RAB31: variants seen among roughly 807,000 people sequenced by gnomAD.
RAB31 encodes the protein RAB31, member RAS oncogene family.
Under a neutral mutation model 25.6 loss-of-function variants are expected in RAB31, and 21 were observed. The ratio of observed to expected loss-of-function variants is 0.82; its 90% CI spans 0.58 to 1.18. The LOEUF (loss-of-function observed/expected upper bound fraction) is 1.18, where lower values mean the gene tolerates loss of function less well. RAB31 is among the 50% of genes most tolerant of loss of function. RAB31 has a pLI of 0.00. For missense variants in RAB31, 196 were observed against 250.1 expected (o/e 0.78, Z 1.46); for synonymous variants, 87 against 84.0 (o/e 1.04, Z -0.20).
At chr18:9,811,440 T>C (rs1401173361) in intron 3 of RAB31, among the ~76,000 whole-genome samples, 2 of 152,206 alleles carry the variant, frequency 1.3e-5, no homozygotes, top group Non-Finnish European at 2.9e-5. Context: ...CAAGTATTGA[T>C]CCAATGATGA....
rs2902843 is a variant in RAB31 at position 9,728,818 on chromosome 18, C to A, written c.39+20374C>A. 3.0e-3 allele frequency among the ~76,000 whole-genome samples: 452 copies of A among 152,168 alleles called. 5 individuals are homozygous for A. Among genetic ancestry groups the A allele is most frequent in the Non-Finnish European group, 3.4e-3 (231 of 68,000 alleles). On this transcript the variant is annotated intron_variant, in intron 1 of 6. Coordinates refer to ENST00000578921, the MANE Select transcript of RAB31 (RefSeq NM_006868.4). ...CTTCGCTAAGTGCTGGGATTACAGG[C>A]GTGAGCCACCCCACCCAACCATGAA...
chr18:9,859,190 G>C (rs1404948768), intron 6 of RAB31, 38 bp from the exon 7 acceptor site: 2 of 1,530,648 alleles, frequency 1.3e-6, no homozygotes, highest in Middle Eastern at 1.7e-4. Context: ...GTTGGCTGTA[G>C]GAAAGGGAAC....
At chr18:9,776,495 T>TGTAAAACCCACATTC (rs1568176243) in intron 2 of RAB31, among the ~76,000 whole-genome samples, 4 of 151,912 alleles carry the variant, frequency 2.6e-5, no homozygotes, top group Non-Finnish European at 5.9e-5. Context: ...AACCCACATT[T>TGTAAAACCCACATTC]TGTAGATTAA....
chr18:9,807,233 G>A (rs1029869), intron 3 of RAB31, among the ~76,000 whole-genome samples: 66,275 of 151,748 alleles, frequency 0.44, 14,768 homozygotes, highest in East Asian at 0.73. Flanking sequence ...GTGTGATGGG[G>A]CATGTTCGGA....
intron 5 of RAB31, among the ~76,000 whole-genome samples, chr18:9,817,231 C>T (rs1599052069): frequency 6.6e-6 from 1 of 152,114 alleles, no homozygotes; most frequent in South Asian, 2.1e-4. Flanking sequence ...AATTATGGGA[C>T]TAATGTGCGC....
intron 1 of RAB31, among the ~76,000 whole-genome samples, chr18:9,716,934 T>TTCTTTC (rs2068047544): frequency 8.0e-6 from 1 of 125,518 alleles, no homozygotes; most frequent in African/African-American, 2.9e-5. Context: ...TTCTTTCTTT[T>TTCTTTC]TTTTTTGGTA....
chr18:9,721,210 A>T (rs2068072020), intron 1 of RAB31, among the ~76,000 whole-genome samples: 1 of 152,188 alleles, frequency 6.6e-6, no homozygotes, highest in Non-Finnish European at 1.5e-5. Context: ...ATAAAAGTAT[A>T]TCCTGTATCT....
At chr18:9,733,695 G>T (rs931670789) in intron 1 of RAB31, among the ~76,000 whole-genome samples, 1 of 152,126 alleles carries the variant, frequency 6.6e-6, no homozygotes, top group Non-Finnish European at 1.5e-5. Context: ...TTGGTTCCCT[G>T]CTCTGTTGAT....
intron 5 of RAB31, among the ~76,000 whole-genome samples, chr18:9,823,571 G>A (rs1030080650): frequency 6.6e-6 from 1 of 152,136 alleles, no homozygotes; most frequent in Non-Finnish European, 1.5e-5. Context: ...GCATGTAAAC[G>A]AATCTACGGT....
At chr18:9,840,051 G>A (rs2068725160) in intron 5 of RAB31, among the ~76,000 whole-genome samples, 1 of 152,168 alleles carries the variant, frequency 6.6e-6, no homozygotes, top group African/African-American at 2.4e-5. Flanking sequence ...CTTTGGGATG[G>A]GGGTGTGCTT....
chr18:9,708,570 TC>T lies in RAB31; in HGVS notation c.39+131del. On this transcript the variant is annotated intron_variant, in intron 1 of 6. Transcript: ENST00000578921. The surrounding 1 kb of genome is among the most constrained non-coding windows in gnomAD (Gnocchi z 6.4). ...CTCCGCACCCCTCTCGTAGCCCCCG[TC>T]CCCCTCGTCCGCGCGCCCCCTGGTT... 1.2e-6 allele frequency: 1 copy of T among 802,326 alleles called. No homozygotes were observed. Among genetic ancestry groups the T allele is most frequent in the South Asian group, 2.6e-5 (1 of 38,728 alleles). 49.7% of individuals were successfully genotyped at this position (802,326 alleles called of 1,614,324 possible).
Position 9,814,798 on chromosome 18 carries a change from G to A in RAB31, c.274-318G>A, listed in dbSNP as rs77106741. 8.3e-4 allele frequency: 173 copies of A among 208,918 alleles called. 1 individual carries two copies. The East Asian group carries it at 0.024, about 29-fold the overall frequency. The allele number at this position is 208,918 out of a possible 1,614,324, so 12.9% of individuals were successfully genotyped here. Reference sequence around the variant, plus strand: ...TGTTTCTTCCTTGGTGTAAGCATGAGCATTTACTTAGTCCTGTTATTCTTA... The same window carrying A: ...TGTTTCTTCCTTGGTGTAAGCATGAACATTTACTTAGTCCTGTTATTCTTA... On this transcript the variant is annotated intron_variant, in intron 4 of 6. Coordinates refer to ENST00000578921, the MANE Select transcript of RAB31 (RefSeq NM_006868.4).
chr18:9,813,753 A>C (rs1214776779), intron 3 of RAB31, among the ~76,000 whole-genome samples: 1 of 152,120 alleles, frequency 6.6e-6, no homozygotes, highest in African/African-American at 2.4e-5. Context: ...TCAGGAAGCC[A>C]AGGCATGAGA....
intron 1 of RAB31, among the ~76,000 whole-genome samples, chr18:9,736,214 T>C (rs555037187): frequency 5.3e-4 from 80 of 152,292 alleles, no homozygotes; most frequent in Non-Finnish European, 1.1e-3. Context: ...CCTCAAGTGA[T>C]CCTCTCCCCT....
intron 3 of RAB31, among the ~76,000 whole-genome samples, chr18:9,809,483 A>G (rs1262058026): frequency 6.6e-6 from 1 of 151,886 alleles, no homozygotes; most frequent in Non-Finnish European, 1.5e-5. Context: ...ATGCTTTGTA[A>G]ACCTCCAGGG....
At chr18:9,721,432 G>A (rs532798420) in intron 1 of RAB31, among the ~76,000 whole-genome samples, 5 of 152,062 alleles carry the variant, frequency 3.3e-5, no homozygotes, top group Admixed American at 6.6e-5. Context: ...TGGCCAACAT[G>A]GTGAAACCCT....
intron 2 of RAB31, among the ~76,000 whole-genome samples, chr18:9,791,388 CTTTTTTTTTTTTTTT>C (rs35523044): frequency 1.0e-4 from 6 of 59,570 alleles, no homozygotes; most frequent in Admixed American, 4.5e-4. Context: ...GAAACACAGT[CTTTTTTTTTTTTTTT>C]TTTTTTTTTT....
chr18:9,734,645 C>A (rs187834866), intron 1 of RAB31, among the ~76,000 whole-genome samples: 1 of 152,046 alleles, frequency 6.6e-6, no homozygotes, highest in African/African-American at 2.4e-5. Context: ...AAGCGGGGCC[C>A]GAGGAGCCAC....
At chr18:9,855,585 C>T (rs1211163011) in intron 6 of RAB31, among the ~76,000 whole-genome samples, 1 of 152,168 alleles carries the variant, frequency 6.6e-6, no homozygotes, top group Non-Finnish European at 1.5e-5. Flanking sequence ...ATTCTGAATA[C>T]CTTAGGCCCT....
Sources: allele counts gnomAD v4.1 joint callset (sites outside exome capture counted in the v4.1 genomes callset), GRCh38; gene constraint gnomAD v4.1.1; non-coding constraint Gnocchi (gnomAD v3.1); transcripts MANE v1.5; gene names NCBI Gene and HGNC (gene_info 2026-07-23, HGNC 2026-07-21).